Variants in EML6 observed in about 807,000 individuals in gnomAD.
EML6 encodes EMAP like 6, also known as echinoderm microtubule-associated protein-like 6.
Under a neutral mutation model 240.1 loss-of-function variants are expected in EML6, and 154 were observed. That is an observed-to-expected ratio of 0.64 (90% CI 0.56 to 0.73). EML6 has a LOEUF of 0.73. Among genes scored for constraint, EML6 ranks in the 30% least tolerant of loss-of-function variants. The pLI, the probability that EML6 is intolerant of heterozygous loss-of-function variation, is 0.00. For synonymous variants in EML6, 1,148 were observed against 899.0 expected, an observed-to-expected ratio of 1.28 and a Z score of -4.95; for missense variants, 2,964 against 2,474.6, an observed-to-expected ratio of 1.20 and a Z score of -4.20.
At position 54,954,108 on chromosome 2, in the gene EML6, G is replaced by C. The variant is rs1056977834; in HGVS notation, c.4438G>C (p.Val1480Leu). 1.3e-6 allele frequency: 2 copies of C among 1,551,562 alleles called. No individual in the cohort carries two copies. The highest frequency in any genetic ancestry group is 2.7e-5 in the African/African-American group (2 of 73,016). The change falls in exon 32 of 42, where the codon GTG (valine) becomes CTG (leucine). Residue 1480 changes from valine (V) to leucine (L), a missense_variant. Coordinates refer to ENST00000356458, the MANE Select transcript of EML6 (RefSeq NM_001039753.4). ...TGCAACTGGAAAGCTCCTGGTGTCG[G>C]TGGGAGTGGACCCTGAGCACACCAT... Reference protein sequence around the residue: ...FSATGKLLVSVGVDPEHTITV... With the variant: ...FSATGKLLVSLGVDPEHTITV...
At chr2:54,938,450 G>A (rs1675264415) in intron 28 of EML6, among the ~76,000 whole-genome samples, 1 of 152,160 alleles carries the variant, frequency 6.6e-6, no homozygotes, top group South Asian at 2.1e-4. Context: ...GAGACATACA[G>A]CCATGCTTAT....
At chr2:54,963,776 G>A (rs959357174) in intron 36 of EML6, among the ~76,000 whole-genome samples, 1 of 152,228 alleles carries the variant, frequency 6.6e-6, no homozygotes, top group African/African-American at 2.4e-5. Flanking sequence ...GGCAGCCTGT[G>A]CCCTAAAACT....
In EML6 at chr2:54,823,872, CTCTCTT is replaced by C. The variant is rs780047668; in HGVS notation, c.525+3414_525+3419del. 9.4e-3 allele frequency among the ~76,000 whole-genome samples: 1,399 copies of C among 149,364 alleles called. 33 individuals carry two copies. The highest frequency in any genetic ancestry group is 0.028 in the African/African-American group (1,117 of 39,878). ...TCATTCTCTCTCTCTCTCTCTCTCT[CTCTCTT>C]TCTGTCTCTCTCTCTCTCTCTCAGA... On this transcript the variant is annotated intron_variant, in intron 5 of 41. Transcript: ENST00000356458.
intron 2 of EML6, among the ~76,000 whole-genome samples, chr2:54,786,957 C>T (rs1669127250): frequency 6.6e-6 from 1 of 152,188 alleles, no homozygotes; most frequent in South Asian, 2.1e-4. Context: ...GTTTGACTCC[C>T]AGTGCAGTTG....
chr2:54,845,572 T>C (rs900882398), intron 8 of EML6, among the ~76,000 whole-genome samples: 4 of 152,350 alleles, frequency 2.6e-5, no homozygotes, highest in South Asian at 2.1e-4. Flanking sequence ...TTGAGAAAGA[T>C]GAGCATAGTG....
In EML6 at chr2:54,912,138, A is replaced by T. The variant is rs1558678807; in HGVS notation, c.3498+1096A>T. Among the ~76,000 whole-genome samples, 3 of 152,176 alleles carry T rather than the reference A, an allele frequency of 2.0e-5. No individual in the cohort carries two copies. The South Asian group carries it at 6.2e-4, about 32-fold the overall frequency. On this transcript the variant is annotated intron_variant, in intron 25 of 41. Transcript: ENST00000356458. ...GACATTTGGACACGTGTACATTTGC[A>T]TTGTCATTGTTTGTAAAGGAAGTAT... is the stretch of plus-strand genomic sequence containing the variant.
chr2:54,893,061 C>G (rs538180537), intron 19 of EML6, among the ~76,000 whole-genome samples: 1 of 152,244 alleles, frequency 6.6e-6, no homozygotes, highest in Non-Finnish European at 1.5e-5. Flanking sequence ...CGTCCATTTG[C>G]TACGATAAAT....
chr2:54,836,599 T>C (rs572290651), intron 7 of EML6, among the ~76,000 whole-genome samples: 1 of 152,204 alleles, frequency 6.6e-6, no homozygotes, highest in South Asian at 2.1e-4. Flanking sequence ...GTGGCCTTTG[T>C]GGTACACACT....
At chr2:54,955,389 G>A (rs747518468) in intron 32 of EML6, among the ~76,000 whole-genome samples, 1 of 152,124 alleles carries the variant, frequency 6.6e-6, no homozygotes, top group Non-Finnish European at 1.5e-5. Context: ...GTCCTTTCAA[G>A]GGGTGTGGCT....
rs1219074762 is a variant in EML6 at position 54,968,780 on chromosome 2, G to C, written c.5852+12G>C. 3 of 1,438,068 alleles carry C rather than the reference G, an allele frequency of 2.1e-6. No individual in the cohort carries two copies. Among genetic ancestry groups the C allele is most frequent in the Non-Finnish European group, 2.9e-6 (3 of 1,043,538 alleles). The allele number at this position is 1,438,068 out of a possible 1,614,324, so 89.1% of individuals were successfully genotyped here. Reference sequence around the variant, plus strand: ...GGAGACGACTGCAGGTACTAACGTAGCTGACCCAGTTCTTACTCCACAGGC... The same window carrying C: ...GGAGACGACTGCAGGTACTAACGTACCTGACCCAGTTCTTACTCCACAGGC... On this transcript the variant is annotated intron_variant, in intron 41 of 41. Coordinates refer to ENST00000356458, the MANE Select transcript of EML6 (RefSeq NM_001039753.4).
chr2:54,760,298 A>G (rs547173329), intron 2 of EML6, among the ~76,000 whole-genome samples: 1 of 151,402 alleles, frequency 6.6e-6, no homozygotes, highest in African/African-American at 2.4e-5. Flanking sequence ...CACTACTGCT[A>G]TGAGTTTGGT....
At chr2:54,891,718 C>A (rs1672477121) in intron 18 of EML6, among the ~76,000 whole-genome samples, 1 of 152,120 alleles carries the variant, frequency 6.6e-6, no homozygotes, top group Non-Finnish European at 1.5e-5. Context: ...TGGTGCCAAG[C>A]CCTAACTTAT....
intron 7 of EML6, among the ~76,000 whole-genome samples, chr2:54,833,708 G>C (rs189971460): frequency 6.6e-6 from 1 of 152,124 alleles, no homozygotes; most frequent in Non-Finnish European, 1.5e-5. Flanking sequence ...TATTTGCACC[G>C]GTGACTTGTG....
intron 25 of EML6, among the ~76,000 whole-genome samples, chr2:54,916,500 T>C (rs1273862842): frequency 7.7e-6 from 1 of 130,136 alleles, no homozygotes; most frequent in East Asian, 1.9e-4. Context: ...AAATACCTTA[T>C]TATTATCAAA....
chr2:54,847,755 A>ATAG, intron 9 of EML6, 132 bp downstream of exon 9: 1 of 791,086 alleles, frequency 1.3e-6, no homozygotes, highest in Non-Finnish European at 1.7e-6. Flanking sequence ...CTATAGATCT[A>ATAG]CGATCCCCTA....
At chr2:54,968,796 C>T (rs1335681025) in intron 41 of EML6, 28 bp downstream of exon 41, 8 of 1,261,118 alleles carry the variant, frequency 6.3e-6, no homozygotes, top group Non-Finnish European at 9.1e-6. Context: ...CCAGTTCTTA[C>T]TCCACAGGCC....
At chr2:54,910,140 A>G (rs2104281281) in intron 24 of EML6, among the ~76,000 whole-genome samples, 1 of 152,184 alleles carries the variant, frequency 6.6e-6, no homozygotes, top group East Asian at 1.9e-4. Flanking sequence ...GCCATGTGTT[A>G]ATAGCTGTTG....
At chr2:54,932,547 C>G (rs1306476718) in intron 28 of EML6, among the ~76,000 whole-genome samples, 2 of 152,168 alleles carry the variant, frequency 1.3e-5, no homozygotes, top group African/African-American at 2.4e-5. Context: ...ACCTTATCTC[C>G]TTTGCCGTGT....
intron 7 of EML6, among the ~76,000 whole-genome samples, 179 bp downstream of exon 7, chr2:54,829,656 A>G (rs773651308): frequency 1.3e-5 from 2 of 152,250 alleles, no homozygotes; most frequent in African/African-American, 2.4e-5. Flanking sequence ...GCACAAATGC[A>G]TCTGCATGAA....
Sources: allele counts gnomAD v4.1 joint callset (sites outside exome capture counted in the v4.1 genomes callset), GRCh38; gene constraint gnomAD v4.1.1; transcripts MANE v1.5; gene names NCBI Gene and HGNC (gene_info 2026-07-23, HGNC 2026-07-21).